COTL1: variants seen among roughly 807,000 people sequenced by gnomAD.
COTL1 encodes coactosin like F-actin binding protein 1.
COTL1 carries 15 observed loss-of-function variants against 16.5 expected under a neutral mutation model. The ratio of observed to expected loss-of-function variants is 0.91; its 90% CI spans 0.61 to 1.40. The LOEUF (loss-of-function observed/expected upper bound fraction) is 1.40, where lower values mean the gene tolerates loss of function less well. COTL1 is among the 40% of genes most tolerant of loss of function. The probability of loss-of-function intolerance (pLI) is 0.00; values close to 1 mark genes in which losing one functional copy is unlikely to be tolerated. For missense variants in COTL1, 220 were observed against 201.5 expected (o/e 1.09, Z -0.56); for synonymous variants, 112 against 85.3 (o/e 1.31, Z -1.73).
At chr16:84,567,777 T>C (rs1443908877) in intron 3 of COTL1, 1 of 152,184 alleles carries the variant, frequency 6.6e-6, no homozygotes, top group Non-Finnish European at 1.5e-5. Flanking sequence ...GCTTGTGGCA[T>C]GAATGAGGGA....
intron 3 of COTL1, among the ~76,000 whole-genome samples, chr16:84,586,355 C>G (rs1264290617): frequency 1.3e-5 from 2 of 152,214 alleles, no homozygotes; most frequent in Admixed American, 6.5e-5. Context: ...AGGTTCCCAG[C>G]AGGGAATTAA....
intron 2 of COTL1, among the ~76,000 whole-genome samples, chr16:84,614,426 G>A (rs1405720720): frequency 1.3e-5 from 2 of 152,064 alleles, no homozygotes; most frequent in African/African-American, 4.8e-5. Flanking sequence ...GGAAAGGCCA[G>A]GCCAGGAGGC....
At chr16:84,613,198 C>T (rs1382899048) in intron 2 of COTL1, among the ~76,000 whole-genome samples, 1 of 152,094 alleles carries the variant, frequency 6.6e-6, no homozygotes, top group Non-Finnish European at 1.5e-5. Context: ...CAGGGTTTCA[C>T]TGTGTTGGCC....
At position 84,617,956 on chromosome 16, in the gene COTL1, C is replaced by G. The variant is rs1223604530; in HGVS notation, c.-42G>C. Reference sequence around the variant, plus strand: ...CGGGACACTGTCCGGGGCGGCCGAGCGCGCCCCTGGCCGGCGGCGGGGATG... The same window carrying G: ...CGGGACACTGTCCGGGGCGGCCGAGGGCGCCCCTGGCCGGCGGCGGGGATG... On this transcript the variant is annotated 5_prime_UTR_variant, in exon 1 of 4. Coordinates refer to ENST00000262428, the MANE Select transcript of COTL1 (RefSeq NM_021149.5). 1.6e-5 allele frequency: 24 copies of G among 1,471,624 alleles called. No homozygotes were observed. Among genetic ancestry groups the G allele is most frequent in the East Asian group, 2.8e-5 (1 of 35,686 alleles). The allele number at this position is 1,471,624 out of a possible 1,614,324, so 91.2% of individuals were successfully genotyped here. A position where few individuals can be genotyped will look rare whatever the true frequency, so the allele number is the denominator to read the frequency against.
chr16:84,597,911 T>G (rs1905039342), intron 2 of COTL1, among the ~76,000 whole-genome samples: 1 of 152,170 alleles, frequency 6.6e-6, no homozygotes, highest in Non-Finnish European at 1.5e-5. Context: ...AGAGAGCTAC[T>G]GACTATCAGC....
intron 3 of COTL1, among the ~76,000 whole-genome samples, chr16:84,579,325 TTAA>T (rs1338885302): frequency 1.3e-5 from 2 of 152,138 alleles, no homozygotes; most frequent in Non-Finnish European, 2.9e-5. Flanking sequence ...GGCATCTCTA[TTAA>T]AAATACCAAA....
intron 3 of COTL1, among the ~76,000 whole-genome samples, chr16:84,569,437 C>T (rs1473644895): frequency 4.0e-5 from 6 of 151,894 alleles, no homozygotes; most frequent in Non-Finnish European, 8.8e-5. Flanking sequence ...CAGGAGCATC[C>T]CGAAGTCAAG....
rs549587655 is a variant in COTL1, at chr16:84,615,145, C to T, written c.160+2356G>A. 2.0e-5 allele frequency among the ~76,000 whole-genome samples: 3 copies of T among 152,314 alleles called. No individual in the cohort carries two copies. The East Asian group carries it at 5.8e-4, about 29-fold the overall frequency. On this transcript the variant is annotated intron_variant, in intron 2 of 3. Coordinates refer to ENST00000262428, the MANE Select transcript of COTL1 (RefSeq NM_021149.5). ...GACGACAGGAAGGAACAAGCGTTTC[C>T]GAGAGGAACAAGAGCAGACACGGCA...
chr16:84,576,393 A>G (rs2150681795), intron 3 of COTL1: 1 of 152,300 alleles, frequency 6.6e-6, no homozygotes, highest in South Asian at 2.1e-4. Context: ...CAGGAGAGGA[A>G]CTGATCTTCA....
At chr16:84,615,853 T>TG (rs1905463717) in intron 2 of COTL1, among the ~76,000 whole-genome samples, 1 of 149,702 alleles carries the variant, frequency 6.7e-6, no homozygotes, top group African/African-American at 2.5e-5. Flanking sequence ...AATTTTAGTT[T>TG]TGTGTGTGTG....
rs1905532257 is a variant in COTL1, at chr16:84,617,649, T to C, written c.78-66A>G. On this transcript the variant is annotated intron_variant, in intron 1 of 3. Transcript: ENST00000262428. Reference sequence around the variant, plus strand: ...CGCTGGTGGCCGCGCGACGCGGCGCTTGCAGAGGACAATCTAACAGACGCG... The same window carrying C: ...CGCTGGTGGCCGCGCGACGCGGCGCCTGCAGAGGACAATCTAACAGACGCG... 3.3e-6 allele frequency: 5 copies of C among 1,493,188 alleles called. No individual in the cohort carries two copies. The Middle Eastern group carries it at 5.1e-4, about 154-fold the overall frequency. 92.5% of individuals were successfully genotyped at this position (1,493,188 alleles called of 1,614,324 possible).
intron 3 of COTL1, among the ~76,000 whole-genome samples, chr16:84,572,285 T>C (rs1904351027): frequency 1.3e-5 from 2 of 152,080 alleles, no homozygotes; most frequent in Non-Finnish European, 2.9e-5. Context: ...AGAGGGAACA[T>C]ATGCATGCAA....
chr16:84,571,022 G>C (rs1904327294), intron 3 of COTL1, among the ~76,000 whole-genome samples: 1 of 150,920 alleles, frequency 6.6e-6, no homozygotes, highest in African/African-American at 2.4e-5. Flanking sequence ...CATTTCTGAA[G>C]ATACAGTGAC....
At chr16:84,612,069 T>G (rs753390605) in intron 2 of COTL1, among the ~76,000 whole-genome samples, 1 of 152,156 alleles carries the variant, frequency 6.6e-6, no homozygotes, top group Non-Finnish European at 1.5e-5. Context: ...TTGGTGCTCT[T>G]GAACGCTACT....
At position 84,590,168 on chromosome 16, in the gene COTL1, G is replaced by A. The variant is rs148263016; in HGVS notation, c.255C>T (p.Asn85=). ...TTTTGGCGCGCTGCAGCCCGCTGAC[G>A]TTCTCACCGATCCACGTGATGAGGG... is the stretch of plus-strand genomic sequence containing the variant. ...KFALITWIGE[N]VSGLQRAKTG... Residue 85 remains asparagine (N), a synonymous_variant, in exon 3 of 4, where the codon AAC becomes AAT. Coordinates refer to ENST00000262428, the MANE Select transcript of COTL1 (RefSeq NM_021149.5). This position sits in a 1 kb window ranked among gnomAD's most constrained non-coding sequence, Gnocchi z 5.5. The A allele has an allele frequency of 4.5e-5, 73 of 1,614,046 alleles. No individual in the cohort carries two copies. The highest frequency in any genetic ancestry group is 2.2e-4 in the East Asian group (10 of 44,898).
rs1344481093 is a variant in COTL1, at chr16:84,565,832, C to A, written c.*1013G>T. On this transcript the variant is annotated 3_prime_UTR_variant, in exon 4 of 4. Coordinates refer to ENST00000262428, the MANE Select transcript of COTL1 (RefSeq NM_021149.5). ...GCAGACGCAGGACTGAAGCCACAGG[C>A]TTTTGGGGTGCTGTGAGCCCAGGGC... is the stretch of plus-strand genomic sequence containing the variant. 1.3e-5 allele frequency: 2 copies of A among 152,298 alleles called. No individual in the cohort carries two copies. Among genetic ancestry groups the A allele is most frequent in the African/African-American group, 4.8e-5 (2 of 41,482 alleles). The allele number at this position is 152,298 out of a possible 1,614,324, so 9.4% of individuals were successfully genotyped here. A position where few individuals can be genotyped will look rare whatever the true frequency, so the allele number is the denominator to read the frequency against.
intron 2 of COTL1, among the ~76,000 whole-genome samples, chr16:84,600,746 A>G (rs1048316863): frequency 6.6e-6 from 1 of 152,192 alleles, no homozygotes; most frequent in East Asian, 1.9e-4. Flanking sequence ...TCCCCGATTC[A>G]TTGCATTTTC....
chr16:84,602,758 C>A (rs1217717191), intron 2 of COTL1, among the ~76,000 whole-genome samples: 3 of 150,922 alleles, frequency 2.0e-5, no homozygotes, highest in Non-Finnish European at 4.4e-5. Flanking sequence ...GGGAGGCTGA[C>A]GTAGGAGAAT....
At chr16:84,609,956 G>C (rs1036184151) in intron 2 of COTL1, among the ~76,000 whole-genome samples, 2 of 152,196 alleles carry the variant, frequency 1.3e-5, no homozygotes, top group African/African-American at 4.8e-5. Flanking sequence ...CGTGAGAAGA[G>C]ACTAACACAC....
Sources: gnomAD v4.1 joint callset for allele counts (sites outside exome capture counted in the v4.1 genomes callset) on GRCh38, gnomAD v4.1.1 for gene constraint, Gnocchi (gnomAD v3.1) non-coding constraint, MANE v1.5 for transcripts, NCBI Gene and HGNC (gene_info 2026-07-23, HGNC 2026-07-21) for gene names.